The following CCSER2 variants were observed in gnomAD, a reference collection of about 807,000 sequenced individuals.
The protein encoded by CCSER2 is coiled-coil serine rich protein 2, also known as serine-rich coiled-coil domain-containing protein 2.
CCSER2 carries 46 observed loss-of-function variants against 92.3 expected under a neutral mutation model. The ratio of observed to expected loss-of-function variants is 0.50; its 90% CI spans 0.39 to 0.64. The LOEUF (loss-of-function observed/expected upper bound fraction) is 0.64, where lower values mean the gene tolerates loss of function less well. Ranked by LOEUF, CCSER2 falls within the 30% of genes least tolerant of loss-of-function variation. The probability of loss-of-function intolerance (pLI) is 0.00; values close to 1 mark genes in which losing one functional copy is unlikely to be tolerated. For synonymous variants in CCSER2, 433 were observed against 431.4 expected, an observed-to-expected ratio of 1.00 and a Z score of -0.04; for missense variants, 1,244 against 1,238.9, an observed-to-expected ratio of 1.00 and a Z score of -0.06.
chr10:84,456,925 T>C (rs537729920), intron 6 of CCSER2, among the ~76,000 whole-genome samples: 129 of 151,994 alleles, frequency 8.5e-4, no homozygotes, highest in African/African-American at 2.8e-3. Flanking sequence ...AAATGTCTTT[T>C]CTTACTGATT....
chr10:84,434,325 G>A lies in CCSER2; in HGVS notation c.1869-4187G>A, dbSNP rs147407686. Among the ~76,000 whole-genome samples, 155 of 152,056 alleles carry A rather than the reference G, an allele frequency of 1.0e-3. No homozygotes were observed. The East Asian group carries it at 0.021, about 20-fold the overall frequency. ...CATTATCTTTCTGTCCCGTGTTCCC[G>A]CTCCCTCCTATCTTCATAGTCTCCT... On this transcript the variant is annotated intron_variant, in intron 5 of 9. Coordinates refer to ENST00000372088, the MANE Select transcript of CCSER2 (RefSeq NM_001284240.2).
chr10:84,383,300 C>T (rs1020113832), intron 3 of CCSER2, among the ~76,000 whole-genome samples: 23 of 151,900 alleles, frequency 1.5e-4, no homozygotes, highest in African/African-American at 5.3e-4. Flanking sequence ...ATGCTTTGAT[C>T]TTTTTATTTA....
chr10:84,344,214 T>G (rs1355075172), intron 1 of CCSER2, among the ~76,000 whole-genome samples: 1 of 152,210 alleles, frequency 6.6e-6, no homozygotes, highest in Non-Finnish European at 1.5e-5. Flanking sequence ...AGGATTTGTC[T>G]TATTTGTGCC....
At chr10:84,512,432 T>C (rs1239348375) in intron 9 of CCSER2, among the ~76,000 whole-genome samples, 1 of 111,024 alleles carries the variant, frequency 9.0e-6, no homozygotes, top group Non-Finnish European at 2.0e-5. Flanking sequence ...AGATAATGCA[T>C]TTGTAGCAAA....
chr10:84,376,603 C>T (rs796986208), intron 3 of CCSER2, among the ~76,000 whole-genome samples: 7 of 152,150 alleles, frequency 4.6e-5, no homozygotes, highest in African/African-American at 1.7e-4. Context: ...TGTTCATGGG[C>T]ATTTAGGTTG....
chr10:84,426,051 A>G (rs1843418835), intron 5 of CCSER2, among the ~76,000 whole-genome samples, 158 bp downstream of exon 5: 1 of 152,164 alleles, frequency 6.6e-6, no homozygotes, highest in Non-Finnish European at 1.5e-5. Context: ...TTGGAATAAT[A>G]TGTCTAATTT....
intron 1 of CCSER2, among the ~76,000 whole-genome samples, chr10:84,329,123 C>T (rs1019388033): frequency 6.6e-6 from 1 of 152,096 alleles, no homozygotes; most frequent in Admixed American, 6.5e-5. Context: ...ATTTCGGAGC[C>T]TGGTTGCGTG....
At chr10:84,364,874 T>C (rs909780562) in intron 1 of CCSER2, among the ~76,000 whole-genome samples, 2 of 151,620 alleles carry the variant, frequency 1.3e-5, no homozygotes, top group Non-Finnish European at 2.9e-5. Flanking sequence ...CCCGAGTAGC[T>C]CAGATTACAG....
chr10:84,489,728 A>C (rs1848036646), intron 9 of CCSER2, among the ~76,000 whole-genome samples: 1 of 152,182 alleles, frequency 6.6e-6, no homozygotes, highest in South Asian at 2.1e-4. Flanking sequence ...TGGAGCATTT[A>C]GCCCATTTAC....
At chr10:84,368,172 A>G (rs921059264) in intron 1 of CCSER2, among the ~76,000 whole-genome samples, 5 of 152,158 alleles carry the variant, frequency 3.3e-5, no homozygotes, top group African/African-American at 1.2e-4. Flanking sequence ...ATGGCAAATC[A>G]AATTTTTTCT....
At chr10:84,416,639 G>A (rs1247301321) in intron 3 of CCSER2, among the ~76,000 whole-genome samples, 4 of 152,078 alleles carry the variant, frequency 2.6e-5, no homozygotes, top group Admixed American at 2.6e-4. Context: ...TTCTATAAGA[G>A]TTTTTTTGGC....
At chr10:84,379,761 G>A (rs1197843794) in intron 3 of CCSER2, among the ~76,000 whole-genome samples, 1 of 152,058 alleles carries the variant, frequency 6.6e-6, no homozygotes, top group Non-Finnish European at 1.5e-5. Flanking sequence ...ATATTCTACA[G>A]GTTTCTTTTT....
intron 1 of CCSER2, among the ~76,000 whole-genome samples, chr10:84,357,867 A>G (rs1490234209): frequency 6.6e-6 from 1 of 152,196 alleles, no homozygotes; most frequent in East Asian, 1.9e-4. Context: ...CTGGCACATA[A>G]TGGATGTTCA....
At chr10:84,490,340 A>T (rs1480744262) in intron 9 of CCSER2, among the ~76,000 whole-genome samples, 2 of 152,178 alleles carry the variant, frequency 1.3e-5, no homozygotes, top group African/African-American at 4.8e-5. Flanking sequence ...GGTGTTTTCC[A>T]ACTTGGTTCC....
intron 1 of CCSER2, among the ~76,000 whole-genome samples, chr10:84,358,959 G>C (rs1845351904): frequency 6.6e-6 from 1 of 152,128 alleles, no homozygotes; most frequent in African/African-American, 2.4e-5. Flanking sequence ...AAGTAGAGGA[G>C]TTTCTGTATG....
At chr10:84,465,746 T>G (rs1484338743) in intron 7 of CCSER2, among the ~76,000 whole-genome samples, 1 of 152,026 alleles carries the variant, frequency 6.6e-6, no homozygotes, top group African/African-American at 2.4e-5. Context: ...TGATAGACAT[T>G]TTTTGCTTTT....
chr10:84,461,423 G>A (rs1031683527), intron 6 of CCSER2, among the ~76,000 whole-genome samples: 1 of 152,194 alleles, frequency 6.6e-6, no homozygotes, highest in African/African-American at 2.4e-5. Flanking sequence ...TTCAATGACA[G>A]GAGTGTTAGC....
rs1310987495 is a variant in CCSER2 at position 84,514,013 on chromosome 10, ACAT to A, written c.2892_2894del (p.Ser966del). Reference sequence around the variant, plus strand: ...ATGTAATTCAGCAAAACTTCAGCCAACATCTAGTCAAACAAATCTTGCAAATAA... The same window carrying A: ...ATGTAATTCAGCAAAACTTCAGCCAACTAGTCAAACAAATCTTGCAAATAA... On this transcript the variant is annotated inframe_deletion, in exon 10 of 10. Transcript: ENST00000372088. 33 of 1,536,586 alleles carry A rather than the reference ACAT, an allele frequency of 2.1e-5. No homozygotes were observed. The highest frequency in any genetic ancestry group is 2.9e-5 in the Non-Finnish European group (33 of 1,147,038).
intron 3 of CCSER2, among the ~76,000 whole-genome samples, chr10:84,387,042 C>T (rs1398410810): frequency 1.3e-5 from 2 of 152,120 alleles, no homozygotes; most frequent in African/African-American, 4.8e-5. Context: ...CATTATGCAA[C>T]ATGTTCATGG....
Sources: allele counts gnomAD v4.1 joint callset (sites outside exome capture counted in the v4.1 genomes callset), GRCh38; gene constraint gnomAD v4.1.1; transcripts MANE v1.5; gene names NCBI Gene and HGNC (gene_info 2026-07-23, HGNC 2026-07-21).